The following EIF2AK4 variants were observed in gnomAD, a reference collection of about 807,000 sequenced individuals.
EIF2AK4 encodes the protein eukaryotic translation initiation factor 2 alpha kinase 4, also known as eIF-2-alpha kinase GCN2.
A neutral mutation model predicts 211.1 loss-of-function variants in EIF2AK4; 139 were observed. That is an observed-to-expected ratio of 0.66 (90% CI 0.57 to 0.76). EIF2AK4 has a LOEUF of 0.76. Ranked by LOEUF, EIF2AK4 falls within the 30% of genes least tolerant of loss-of-function variation. The pLI, the probability that EIF2AK4 is intolerant of heterozygous loss-of-function variation, is 0.00. For missense variants in EIF2AK4, 1,664 were observed against 2,043.8 expected, an observed-to-expected ratio of 0.81 and a Z score of 3.58; for synonymous variants, 710 against 751.3, an observed-to-expected ratio of 0.94 and a Z score of 0.90.
chr15:40,020,100 G>C (rs879476956), intron 30 of EIF2AK4, among the ~76,000 whole-genome samples: 1 of 151,008 alleles, frequency 6.6e-6, no homozygotes, highest in Non-Finnish European at 1.5e-5. Context: ...CCAGGAGGGG[G>C]AGGTTGCAGT....
At position 39,973,721 on chromosome 15, in the gene EIF2AK4, G is replaced by T; in HGVS notation, c.1790G>T (p.Gly597Val). The T allele has an allele frequency of 6.2e-7, 1 of 1,614,086 alleles. No individual in the cohort carries two copies. Among genetic ancestry groups the T allele is most frequent in the Non-Finnish European group, 8.5e-7 (1 of 1,179,980 alleles). ...GAGTTTGAAGAATTACAACTTCTTG[G>T]TAAAGGAGCTTTTGGAGCTGTCATC... ...FIEFEELQLLGKGAFGAVIKV... is the reference protein window; with the variant it reads ...FIEFEELQLLVKGAFGAVIKV... The change falls in exon 11 of 39, where the codon GGT becomes GTT. Residue 597 changes from glycine to valine, a missense_variant. Coordinates refer to ENST00000263791, the MANE Select transcript of EIF2AK4 (RefSeq NM_001013703.4).
At chr15:39,994,267 A>G (rs144005133) in intron 18 of EIF2AK4, among the ~76,000 whole-genome samples, 77 of 152,354 alleles carry the variant, frequency 5.1e-4, no homozygotes, top group African/African-American at 1.8e-3. Flanking sequence ...TAAAGCTATG[A>G]GACTGGATGA....
intron 2 of EIF2AK4, among the ~76,000 whole-genome samples, chr15:39,940,810 T>C (rs1046177992): frequency 6.6e-6 from 1 of 152,070 alleles, no homozygotes; most frequent in Admixed American, 6.5e-5. Flanking sequence ...AGGACCCAGT[T>C]CCACAAGATT....
chr15:39,954,682 C>T (rs903741036), intron 5 of EIF2AK4, among the ~76,000 whole-genome samples: 1 of 152,220 alleles, frequency 6.6e-6, no homozygotes, highest in African/African-American at 2.4e-5. Flanking sequence ...ATTTAAAAGG[C>T]AGTGGTGAAA....
intron 29 of EIF2AK4, among the ~76,000 whole-genome samples, chr15:40,018,248 T>C (rs1224163579): frequency 1.3e-5 from 2 of 152,234 alleles, no homozygotes; most frequent in Non-Finnish European, 2.9e-5. Flanking sequence ...TTTGAGTTAC[T>C]TTTCCCCTAT....
chr15:39,961,707 A>T, intron 6 of EIF2AK4, 77 bp from the exon 7 acceptor site: 1 of 1,159,354 alleles, frequency 8.6e-7, no homozygotes. Context: ...ATGTTAATCT[A>T]TAACATTCCT....
At chr15:39,995,705 AT>A (rs897865422) in intron 18 of EIF2AK4, among the ~76,000 whole-genome samples, 5 of 144,484 alleles carry the variant, frequency 3.5e-5, no homozygotes, top group African/African-American at 1.3e-4. Flanking sequence ...TTTATTTTTT[AT>A]TTTTTTCCTA....
chr15:40,005,423 G>T (rs867267015), intron 23 of EIF2AK4, among the ~76,000 whole-genome samples: 8 of 151,590 alleles, frequency 5.3e-5, no homozygotes, highest in African/African-American at 1.7e-4. Context: ...CTTGAACCCG[G>T]GAGGCGGAGG....
At chr15:39,987,243 G>T (rs895226841) in intron 14 of EIF2AK4, among the ~76,000 whole-genome samples, 2 of 152,230 alleles carry the variant, frequency 1.3e-5, no homozygotes, top group Admixed American at 6.5e-5. Context: ...CAGGATCACG[G>T]TGTGGGCATC....
chr15:39,981,701 CT>C (rs1279438952), intron 13 of EIF2AK4, among the ~76,000 whole-genome samples: 1 of 151,802 alleles, frequency 6.6e-6, no homozygotes, highest in Non-Finnish European at 1.5e-5. Flanking sequence ...CTAACTAATA[CT>C]TTTTCTGCAC....
intron 19 of EIF2AK4, among the ~76,000 whole-genome samples, chr15:39,998,026 CAA>C (rs1425492948): frequency 6.6e-6 from 1 of 152,100 alleles, no homozygotes; most frequent in East Asian, 1.9e-4. Context: ...ATTTTGAAAA[CAA>C]ATTATTTTAC....
rs547817433 is a variant in EIF2AK4 at position 39,954,074 on chromosome 15, T to C, written c.594+90T>C. 27 of 1,067,988 alleles carry C rather than the reference T, an allele frequency of 2.5e-5. No homozygotes were observed. In the East Asian group the frequency reaches 4.0e-4, roughly 16 times the overall value. 66.2% of individuals were successfully genotyped at this position (1,067,988 alleles called of 1,614,324 possible). On this transcript the variant is annotated intron_variant, in intron 5 of 38. Transcript: ENST00000263791. ...ATGACATCTGTGTTACTATCAGTAA[T>C]ACAGCTTAAAATAAAGCACTAAAAA...
At chr15:39,949,026 C>A (rs911262043) in intron 3 of EIF2AK4, 90 bp from the exon 4 acceptor site, 2 of 1,490,202 alleles carry the variant, frequency 1.3e-6, no homozygotes, top group Non-Finnish European at 1.8e-6. Flanking sequence ...GGCCTCTGAC[C>A]GCCAGTTTGC....
At chr15:39,945,250 G>A (rs1389105761) in intron 3 of EIF2AK4, among the ~76,000 whole-genome samples, 2 of 151,866 alleles carry the variant, frequency 1.3e-5, no homozygotes, top group Non-Finnish European at 2.9e-5. Flanking sequence ...AAAGTGCTAG[G>A]ATTACAGGCC....
chr15:39,997,467 A>G (rs1348987215), intron 19 of EIF2AK4, among the ~76,000 whole-genome samples: 4 of 152,178 alleles, frequency 2.6e-5, no homozygotes, highest in South Asian at 4.1e-4. Flanking sequence ...GTTGCTTTTT[A>G]AAAAATTATT....
chr15:39,955,567 T>A (rs975649798), intron 5 of EIF2AK4, 53 bp from the exon 6 acceptor site: 1 of 1,542,066 alleles, frequency 6.5e-7, no homozygotes, highest in Admixed American at 2.2e-5. Flanking sequence ...GTACCATGAT[T>A]TTCTTCCATG....
At chr15:39,942,880 AG>A (rs2034166362) in intron 2 of EIF2AK4, among the ~76,000 whole-genome samples, 1 of 152,206 alleles carries the variant, frequency 6.6e-6, no homozygotes, top group Non-Finnish European at 1.5e-5. Flanking sequence ...TTTATGCTAG[AG>A]CACACCTGAA....
intron 13 of EIF2AK4, among the ~76,000 whole-genome samples, chr15:39,983,589 T>C (rs1376576532): frequency 6.6e-6 from 1 of 152,180 alleles, no homozygotes; most frequent in Non-Finnish European, 1.5e-5. Flanking sequence ...ATCACAGGCA[T>C]GCGCCACCAT....
chr15:40,000,175 T>G (rs2035071761), intron 20 of EIF2AK4, among the ~76,000 whole-genome samples: 2 of 152,224 alleles, frequency 1.3e-5, no homozygotes, highest in South Asian at 4.1e-4. Context: ...ATACCTTTCA[T>G]AAAAGTTGTA....
Sources: allele counts gnomAD v4.1 joint callset (sites outside exome capture counted in the v4.1 genomes callset), GRCh38; gene constraint gnomAD v4.1.1; transcripts MANE v1.5; gene names NCBI Gene and HGNC (gene_info 2026-07-23, HGNC 2026-07-21).